Variants in ATL2 observed in about 807,000 individuals in gnomAD.
The protein encoded by ATL2 is atlastin-2.
ATL2 carries 31 observed loss-of-function variants against 73.9 expected under a neutral mutation model. The ratio of observed to expected loss-of-function variants is 0.42; its 90% confidence interval spans 0.32 to 0.57. The LOEUF (loss-of-function observed/expected upper bound fraction) is 0.57, where lower values mean the gene tolerates loss of function less well. Ranked by LOEUF, ATL2 falls within the 20% of genes least tolerant of loss-of-function variation. ATL2 has a pLI of 0.14. For missense variants in ATL2, 738 were observed against 702.6 expected (o/e 1.05, Z -0.57); for synonymous variants, 291 against 237.5 (o/e 1.23, Z -2.07).
intron 4 of ATL2, among the ~76,000 whole-genome samples, chr2:38,316,333 C>A (rs1668022445): frequency 6.6e-6 from 1 of 152,138 alleles, no homozygotes; most frequent in African/African-American, 2.4e-5. Flanking sequence ...CATGACCAAC[C>A]TATGTGGGCC....
intron 4 of ATL2, 52 bp downstream of exon 4, chr2:38,318,483 A>G (rs1296846010): frequency 1.1e-5 from 15 of 1,337,338 alleles, no homozygotes; most frequent in Admixed American, 7.4e-5. Context: ...GAAAAAAAAA[A>G]GGGGCCAAAT....
chr2:38,345,688 T>G (rs539083376), intron 1 of ATL2, among the ~76,000 whole-genome samples: 4 of 152,210 alleles, frequency 2.6e-5, no homozygotes, highest in African/African-American at 4.8e-5. Context: ...TGCAATACAG[T>G]TAAATTCTAA....
chr2:38,306,116 C>A (rs1354925647), intron 9 of ATL2, among the ~76,000 whole-genome samples: 1 of 152,146 alleles, frequency 6.6e-6, no homozygotes, highest in African/African-American at 2.4e-5. Flanking sequence ...CCATGAACAA[C>A]TATATGCCAA....
At chr2:38,310,249 TA>T in intron 8 of ATL2, 59 bp downstream of exon 8, 1 of 1,572,788 alleles carries the variant, frequency 6.4e-7, no homozygotes, top group Non-Finnish European at 8.7e-7. Flanking sequence ...TGTATTTTCT[TA>T]AAAAACTTTC....
intron 4 of ATL2, among the ~76,000 whole-genome samples, chr2:38,318,147 G>A (rs142089117): frequency 7.2e-4 from 110 of 152,184 alleles, no homozygotes; most frequent in African/African-American, 2.5e-3. Flanking sequence ...GCAACATAGT[G>A]AGAATCCATC....
intron 9 of ATL2, among the ~76,000 whole-genome samples, chr2:38,302,351 T>G (rs1667234334): frequency 6.6e-6 from 1 of 151,992 alleles, no homozygotes; most frequent in African/African-American, 2.4e-5. Context: ...CCCAGCAATT[T>G]GGGAGGCCAA....
intron 10 of ATL2, among the ~76,000 whole-genome samples, 174 bp from the exon 11 acceptor site, chr2:38,299,501 T>C (rs1667074545): frequency 6.6e-6 from 1 of 152,202 alleles, no homozygotes; most frequent in South Asian, 2.1e-4. Flanking sequence ...TAATGGTAAG[T>C]GGTTCTAATA....
Position 38,338,948 on chromosome 2 carries a change from C to T in ATL2, c.363+4320G>A, listed in dbSNP as rs367629309. Reference sequence around the variant, plus strand: ...CCTCAAAATAGTCAAGATCACCAGGCTCACACCTTTAATACCAGCACTTTG... The same window carrying T: ...CCTCAAAATAGTCAAGATCACCAGGTTCACACCTTTAATACCAGCACTTTG... On this transcript the variant is annotated intron_variant, in intron 2 of 12. Coordinates refer to ENST00000378954, the MANE Select transcript of ATL2 (RefSeq NM_001135673.4). Among the ~76,000 whole-genome samples the T allele has an allele frequency of 1.4e-3, 214 of 152,274 alleles. 1 individual carries two copies. Among genetic ancestry groups the T allele is most frequent in the African/African-American group, 4.8e-3 (200 of 41,544 alleles).
rs75707202 is a variant in ATL2 at position 38,301,937 on chromosome 2, G to A, written c.1072-1609C>T. Among the ~76,000 whole-genome samples, 1,042 of 152,338 alleles carry A rather than the reference G, an allele frequency of 6.8e-3. 12 individuals are homozygous for A. Among genetic ancestry groups the A allele is most frequent in the East Asian group, 0.056 (292 of 5,178 alleles). On this transcript the variant is annotated intron_variant, in intron 9 of 12. Transcript: ENST00000378954. ...TCTGAGAGAGAGTCTTTCCTTCTGC[G>A]TGAGGAGAGGAGAGGGGAGAGTAAA... is the stretch of plus-strand genomic sequence containing the variant.
chr2:38,323,234 A>C (rs962241876), intron 2 of ATL2, among the ~76,000 whole-genome samples: 2 of 152,232 alleles, frequency 1.3e-5, no homozygotes, highest in African/African-American at 4.8e-5. Flanking sequence ...AAAAGCCTCA[A>C]AACTCAGAAA....
intron 7 of ATL2, 151 bp downstream of exon 7, chr2:38,313,000 T>C: frequency 1.7e-6 from 1 of 571,648 alleles, no homozygotes. Flanking sequence ...ACTTTACTTT[T>C]CATCAATTAC....
chr2:38,299,202 T>C, intron 11 of ATL2, 54 bp downstream of exon 11: 1 of 1,429,502 alleles, frequency 7.0e-7, no homozygotes, highest in Non-Finnish European at 9.1e-7. Context: ...TTTTTTTTTT[T>C]TTAATTTAAA....
At chr2:38,348,369 GGGA>G (rs1670145528) in intron 1 of ATL2, among the ~76,000 whole-genome samples, 1 of 151,954 alleles carries the variant, frequency 6.6e-6, no homozygotes, top group African/African-American at 2.4e-5. Context: ...AGGAGGCTGA[GGGA>G]GGAGAATTGC....
chr2:38,342,086 A>C (rs939449284), intron 2 of ATL2, among the ~76,000 whole-genome samples: 1 of 152,198 alleles, frequency 6.6e-6, no homozygotes, highest in Non-Finnish European at 1.5e-5. Context: ...CAATTATCAG[A>C]AAAACATTCC....
intron 2 of ATL2, among the ~76,000 whole-genome samples, chr2:38,337,428 G>A (rs1669426137): frequency 7.8e-6 from 1 of 127,508 alleles, no homozygotes; most frequent in Non-Finnish European, 1.6e-5. Context: ...AGAGGTTGCA[G>A]TGAGCTGAGA....
chr2:38,298,562 T>C lies in ATL2; in HGVS notation c.1214A>G (p.Asp405Gly), dbSNP rs1448568222. Residue 405 changes from aspartate to glycine, a missense_variant, in exon 12 of 13, where the codon GAC becomes GGC. Asp to Gly is a moderately conservative substitution (Grantham distance 94, BLOSUM62 -1). Coordinates refer to ENST00000378954, the MANE Select transcript of ATL2 (RefSeq NM_001135673.4). The part of the protein sequence containing the change: ...CKSMEQVCGG[D>G]KPYIAPSDLE... ...ATCTGAAGGTGCAATGTAAGGCTTG[T>C]CCCCTCCACATACCTGGACAGACAG... is the stretch of plus-strand genomic sequence containing the variant. 1 of 1,613,752 alleles carries C rather than the reference T, an allele frequency of 6.2e-7. No individual in the cohort carries two copies. The highest frequency in any genetic ancestry group is 8.5e-7 in the Non-Finnish European group (1 of 1,179,772).
chr2:38,357,954 G>T (rs924458491), intron 1 of ATL2, among the ~76,000 whole-genome samples: 1 of 152,088 alleles, frequency 6.6e-6, no homozygotes, highest in East Asian at 1.9e-4. Flanking sequence ...TCAAGGCCAG[G>T]TCTTATTTAG....
intron 1 of ATL2, among the ~76,000 whole-genome samples, chr2:38,349,168 A>G (rs1003971339): frequency 6.6e-5 from 10 of 152,168 alleles, no homozygotes; most frequent in African/African-American, 2.4e-4. Context: ...TCATCCCATT[A>G]CTGGGTATAT....
At chr2:38,368,495 G>A (rs548045708) in intron 1 of ATL2, among the ~76,000 whole-genome samples, 3 of 151,196 alleles carry the variant, frequency 2.0e-5, no homozygotes, top group Admixed American at 2.0e-4. Flanking sequence ...CAGGTGATCC[G>A]CCCGCCTTGG....
Sources: allele counts gnomAD v4.1 joint callset (sites outside exome capture counted in the v4.1 genomes callset), GRCh38; gene constraint gnomAD v4.1.1; transcripts MANE v1.5; gene names NCBI Gene and HGNC (gene_info 2026-07-23, HGNC 2026-07-21).